Variants in RPS29 observed in about 807,000 individuals in gnomAD.
RPS29 encodes the protein ribosomal protein S29, also known as small ribosomal subunit protein uS14.
For missense variants in RPS29, 60 were observed against 75.7 expected, an observed-to-expected ratio of 0.79 and a Z score of 0.77; for synonymous variants, 37 against 26.9, an observed-to-expected ratio of 1.37 and a Z score of -1.16.
chr14:49,592,509 A>G (rs1213708729), intron 1 of RPS29, among the ~76,000 whole-genome samples: 3 of 151,238 alleles, frequency 2.0e-5, no homozygotes, highest in Admixed American at 2.0e-4. Flanking sequence ...CTGGGATTAC[A>G]GGCATGCGCC....
At chr14:49,580,453 G>A (rs528199863), downstream of RPS29, among the ~76,000 whole-genome samples, 15 of 152,240 alleles carry the variant, frequency 9.9e-5, no homozygotes, top group African/African-American at 3.6e-4. Flanking sequence ...ATACACCTGG[G>A]GTTCAGGGTT....
rs368998907 is a variant in RPS29 at position 49,586,327 on chromosome 14, T to C, written c.20A>G (p.Tyr7Cys). Residue 7 changes from tyrosine (Y) to cysteine (C), a missense_variant, in exon 1 of 3, where the codon TAC (tyrosine) becomes TGC (cysteine). Transcript: ENST00000245458. MGHQQLYWSHPRKFGQG... is the reference protein window; with the variant it reads MGHQQLCWSHPRKFGQG... ...GCCGAATTTTCGCGGGTGGCTCCAG[T>C]ACAGCTGCTGGTGACCCATCTTGCT... The C allele has an allele frequency of 6.2e-6, 10 of 1,613,848 alleles. No individual in the cohort carries two copies. Among genetic ancestry groups the C allele is most frequent in the Non-Finnish European group, 8.5e-6 (10 of 1,179,826 alleles).
At chr14:49,587,452 G>T (rs754589497), upstream of RPS29, among the ~76,000 whole-genome samples, 6 of 152,180 alleles carry the variant, frequency 3.9e-5, no homozygotes, top group Admixed American at 1.3e-4. Context: ...AGCACAGGGT[G>T]CAACAATTCC....
chr14:49,581,341 A>C (rs537846996), downstream of RPS29, among the ~76,000 whole-genome samples: 4 of 152,340 alleles, frequency 2.6e-5, no homozygotes, highest in African/African-American at 9.6e-5. Context: ...CACACAATAC[A>C]GTTGATCACT....
chr14:49,586,548 C>T, upstream of RPS29: 2 of 597,584 alleles, frequency 3.3e-6, no homozygotes, highest in South Asian at 1.9e-5. Context: ...CATACCACAG[C>T]TTCTAGTGCT....
chr14:49,598,379 A>G (rs1006713573), intron 1 of RPS29: 4 of 670,346 alleles, frequency 6.0e-6, no homozygotes, highest in Admixed American at 2.1e-5. Context: ...CAGTTAAGCC[A>G]GTCACACTCC....
At chr14:49,575,019 A>G (rs930635048) in exon 3 of RPS29, 1 of 152,476 alleles carries the variant, frequency 6.6e-6, no homozygotes, top group African/African-American at 2.4e-5. Flanking sequence ...TTCTCAAACT[A>G]TACAGGCAGT....
At chr14:49,595,551 G>A (rs977220900) in intron 1 of RPS29, among the ~76,000 whole-genome samples, 20 of 152,038 alleles carry the variant, frequency 1.3e-4, no homozygotes, top group Non-Finnish European at 1.0e-4. Flanking sequence ...AGGTTGCAGT[G>A]AGCTATGAAT....
downstream of RPS29, among the ~76,000 whole-genome samples, chr14:49,582,459 C>T (rs563064060): frequency 6.6e-6 from 1 of 152,324 alleles, no homozygotes; most frequent in Admixed American, 6.5e-5. Flanking sequence ...TTAAGTATGG[C>T]TTTCTTCTCT....
chr14:49,575,945 C>G (rs1480084530), exon 3 of RPS29: 2 of 152,144 alleles, frequency 1.3e-5, no homozygotes, highest in Non-Finnish European at 2.9e-5. Flanking sequence ...GACTTTCTGC[C>G]TCTATTCTTT....
chr14:49,582,235 C>T (rs1881361108), downstream of RPS29, among the ~76,000 whole-genome samples: 1 of 152,088 alleles, frequency 6.6e-6, no homozygotes, highest in Admixed American at 6.6e-5. Flanking sequence ...TTCAGACTAA[C>T]CTGGACAGCA....
intron 2 of RPS29, among the ~76,000 whole-genome samples, chr14:49,584,447 G>A (rs1274664050): frequency 6.6e-6 from 1 of 152,234 alleles, no homozygotes; most frequent in African/African-American, 2.4e-5. Context: ...CTCTGTCCCT[G>A]CTGCACTGCA....
At chr14:49,573,624 T>G (rs1292505632) in exon 3 of RPS29, 1 of 152,192 alleles carries the variant, frequency 6.6e-6, no homozygotes, top group African/African-American at 2.4e-5. Flanking sequence ...AAAATTTGTC[T>G]CCTATATCCT....
rs1881130704 is a variant in RPS29, at chr14:49,574,579, T to C, written c.*3233A>G. On this transcript the variant is annotated 3_prime_UTR_variant, in exon 3 of 3. Transcript: ENST00000396020. ...ACCAGTCTCTTTCTCTCCCTACGTC[T>C]CCAGATACTTCACTCTCCTGCCTTT... 2.6e-5 allele frequency: 4 copies of C among 152,302 alleles called. No homozygotes were observed. In the South Asian group the frequency reaches 8.3e-4, roughly 32 times the overall value. 9.4% of individuals were successfully genotyped at this position (152,302 alleles called of 1,614,324 possible).
exon 3 of RPS29, chr14:49,577,689 T>TAA: frequency 1.2e-6 from 1 of 812,514 alleles, no homozygotes; most frequent in Non-Finnish European, 2.2e-6. Context: ...CCTCTGTGTT[T>TAA]CCACCAGTTA....
chr14:49,593,242 G>A (rs762006945), intron 1 of RPS29, among the ~76,000 whole-genome samples: 3 of 152,142 alleles, frequency 2.0e-5, no homozygotes, highest in African/African-American at 4.8e-5. Flanking sequence ...ATTGAGTACC[G>A]ACTGCATATA....
At chr14:49,591,671 A>G (rs1881714392) in intron 1 of RPS29, among the ~76,000 whole-genome samples, 1 of 131,456 alleles carries the variant, frequency 7.6e-6, no homozygotes, top group Non-Finnish European at 1.6e-5. Flanking sequence ...GCCAGGATGG[A>G]GTGCAGTGGC....
At chr14:49,590,076 C>T (rs999316040), upstream of RPS29, among the ~76,000 whole-genome samples, 1 of 152,190 alleles carries the variant, frequency 6.6e-6, no homozygotes, top group Non-Finnish European at 1.5e-5. Flanking sequence ...CGAAAAGTAC[C>T]TATTAGGTAC....
exon 3 of RPS29, chr14:49,574,369 G>A (rs554693925): frequency 2.9e-4 from 44 of 152,196 alleles, no homozygotes; most frequent in African/African-American, 9.6e-4. Context: ...TACAGTTAAG[G>A]TCATAAGCAC....
Sources: allele counts gnomAD v4.1 joint callset (sites outside exome capture counted in the v4.1 genomes callset), GRCh38; gene constraint gnomAD v4.1.1; transcripts MANE v1.5; gene names NCBI Gene and HGNC (gene_info 2026-07-23, HGNC 2026-07-21).